The following MYO18A variants were observed in gnomAD, a reference collection of about 807,000 sequenced individuals.
The protein encoded by MYO18A is unconventional myosin-XVIIIa.
Under a neutral mutation model 235.8 loss-of-function variants are expected in MYO18A, and 78 were observed. The observed-to-expected ratio is 0.33, with a 90% CI of 0.28 to 0.40. MYO18A has a LOEUF of 0.40. MYO18A is among the 10% of genes least tolerant of loss of function. MYO18A has a pLI of 1.00. For synonymous variants in MYO18A, 977 were observed against 1,077.8 expected (o/e 0.91, Z 1.83); for missense variants, 2,215 against 2,699.3 (o/e 0.82, Z 3.98).
chr17:29,089,204 G>A (rs900234954), intron 37 of MYO18A, among the ~76,000 whole-genome samples: 2 of 151,410 alleles, frequency 1.3e-5, no homozygotes, highest in East Asian at 1.9e-4. Flanking sequence ...AGGCCGAGGC[G>A]GGCAGATCAT....
chr17:29,112,831 G>A lies in MYO18A; in HGVS notation c.2599-968C>T, dbSNP rs143941251. On this transcript the variant is annotated intron_variant, in intron 15 of 41. Transcript: ENST00000527372. Reference sequence around the variant, plus strand: ...CCCGCAGATGCCCAAGGGAGTTGGCGTGATTACCAGAAGGAAGCAGAATGT... The same window carrying A: ...CCCGCAGATGCCCAAGGGAGTTGGCATGATTACCAGAAGGAAGCAGAATGT... Among the ~76,000 whole-genome samples the A allele has an allele frequency of 1.3e-4, 20 of 152,342 alleles. No individual in the cohort carries two copies. In the East Asian group the frequency reaches 1.9e-3, roughly 15 times the overall value.
At chr17:29,088,305 T>C (rs914562250) in intron 37 of MYO18A, among the ~76,000 whole-genome samples, 3 of 151,636 alleles carry the variant, frequency 2.0e-5, no homozygotes, top group Non-Finnish European at 4.4e-5. Flanking sequence ...CCGCCCACCT[T>C]GGCCTCCAAA....
chr17:29,101,992 C>G (rs1237244865), intron 21 of MYO18A, among the ~76,000 whole-genome samples: 1 of 152,154 alleles, frequency 6.6e-6, no homozygotes, highest in Non-Finnish European at 1.5e-5. Context: ...CAGATGAAGA[C>G]CCCCCTCCTC....
chr17:29,085,645 C>A lies in MYO18A; in HGVS notation c.5856G>T (p.Leu1952Phe), dbSNP rs374758341. 5 of 1,613,878 alleles carry A rather than the reference C, an allele frequency of 3.1e-6. No homozygotes were observed. In the African/African-American group the frequency reaches 6.7e-5, roughly 22 times the overall value. ...SDENEDLINS[L>F]QDMVTKYQKR... ...TCTGATACTTTGTCACCATGTCCTGCAAACTGGAAATAGAAGGAAAATGGT... is the reference window on the plus strand; with the variant it reads ...TCTGATACTTTGTCACCATGTCCTGAAAACTGGAAATAGAAGGAAAATGGT... Residue 1952 changes from leucine to phenylalanine, a missense_variant, in exon 40 of 42, where the codon TTG becomes TTT. Leu to Phe is a conservative substitution (Grantham distance 22, BLOSUM62 0). Coordinates refer to ENST00000527372, the MANE Select transcript of MYO18A (RefSeq NM_078471.4).
chr17:29,139,183 T>G (rs1030305868), intron 2 of MYO18A, among the ~76,000 whole-genome samples: 1 of 152,086 alleles, frequency 6.6e-6, no homozygotes, highest in Non-Finnish European at 1.5e-5. Context: ...AATGGCTTCC[T>G]GCCGCAACTG....
At chr17:29,132,664 C>T (rs531251759) in intron 2 of MYO18A, among the ~76,000 whole-genome samples, 1 of 152,356 alleles carries the variant, frequency 6.6e-6, no homozygotes, top group East Asian at 1.9e-4. Flanking sequence ...GGGGCACTGG[C>T]TGGCGTGATG....
At chr17:29,083,558 A>ACACACG (rs1568038715) in intron 40 of MYO18A, among the ~76,000 whole-genome samples, 1 of 151,588 alleles carries the variant, frequency 6.6e-6, no homozygotes. Flanking sequence ...ACACACACAC[A>ACACACG]CGAAACCAGC....
chr17:29,079,681 A>G lies in MYO18A; in HGVS notation c.6020+2635T>C, dbSNP rs1201440204. 30 of 981,570 alleles carry G rather than the reference A, an allele frequency of 3.1e-5. 1 individual carries two copies. The Admixed American group carries it at 1.8e-3, about 60-fold the overall frequency. The allele number at this position is 981,570 out of a possible 1,614,324, so 60.8% of individuals were successfully genotyped here. ...AGGGGCAGGGAGGACGTTAGTTCAC[A>G]CCGGGTGGGACACACCATGCTGAAC... On this transcript the variant is annotated intron_variant, in intron 41 of 41. Coordinates refer to ENST00000527372, the MANE Select transcript of MYO18A (RefSeq NM_078471.4).
At chr17:29,148,337 A>C (rs8079438) in intron 2 of MYO18A, among the ~76,000 whole-genome samples, 67,637 of 151,962 alleles carry the variant, frequency 0.45, 16,791 homozygotes, top group African/African-American at 0.68. Flanking sequence ...TAATAGAACT[A>C]TATTTAGGGA....
chr17:29,092,655 A>T (rs1055247842), intron 33 of MYO18A, among the ~76,000 whole-genome samples, 199 bp from the exon 34 acceptor site: 3 of 152,090 alleles, frequency 2.0e-5, no homozygotes, highest in Non-Finnish European at 4.4e-5. Context: ...GGCCCCATCC[A>T]CACCATCCCA....
At position 29,152,030 on chromosome 17, in the gene MYO18A, C is replaced by T. The variant is rs138423052; in HGVS notation, c.999+13912G>A. Among the ~76,000 whole-genome samples the T allele has an allele frequency of 1.9e-3, 284 of 152,282 alleles. 1 individual carries two copies. The highest frequency in any genetic ancestry group is 3.0e-3 in the Non-Finnish European group (201 of 68,026). ...GAGAAGCCCCCCAGCCCCGCATCCA[C>T]AGAAGAGCAAAGGAACAGATTGGCG... On this transcript the variant is annotated intron_variant, in intron 2 of 41. Coordinates refer to ENST00000527372, the MANE Select transcript of MYO18A (RefSeq NM_078471.4).
At chr17:29,112,857 G>T (rs1005916829) in intron 15 of MYO18A, among the ~76,000 whole-genome samples, 1 of 152,258 alleles carries the variant, frequency 6.6e-6, no homozygotes, top group African/African-American at 2.4e-5. Flanking sequence ...AGCAGAATGT[G>T]GCCAAAGGCC....
At chr17:29,129,531 C>G (rs1165078005) in intron 2 of MYO18A, among the ~76,000 whole-genome samples, 1 of 152,204 alleles carries the variant, frequency 6.6e-6, no homozygotes, top group Non-Finnish European at 1.5e-5. Context: ...AGCTCCATTG[C>G]CTGGGGAGCG....
rs1382410794 is a variant in MYO18A, at chr17:29,097,288, GCCGTTTCT to G, written c.4157_4164del (p.Lys1386ThrfsTer6). ...AGCTTGTCCTCAAACTCCTGCTGGA[GCCGTTTCT>G]TGGTGAAGTCCACCTCCCGCACAGC... On this transcript the variant is annotated frameshift_variant, in exon 27 of 42. Transcript: ENST00000527372. LOFTEE classifies it high-confidence loss of function. 6 of 1,611,112 alleles carry G rather than the reference GCCGTTTCT, an allele frequency of 3.7e-6. No individual in the cohort carries two copies. Among genetic ancestry groups the G allele is most frequent in the Non-Finnish European group, 5.1e-6 (6 of 1,179,870 alleles).
At chr17:29,086,212 C>T (rs1270000877) in intron 39 of MYO18A, among the ~76,000 whole-genome samples, 3 of 152,194 alleles carry the variant, frequency 2.0e-5, no homozygotes, top group South Asian at 2.1e-4. Flanking sequence ...AGGGCCTGGT[C>T]GTGGAGAGGG....
intron 21 of MYO18A, 117 bp from the exon 22 acceptor site, chr17:29,099,879 G>T: frequency 7.2e-7 from 1 of 1,389,810 alleles, no homozygotes; most frequent in Non-Finnish European, 9.6e-7. Context: ...CTTGGCTTGG[G>T]AAGAGCCTCA....
chr17:29,082,234 C>A, intron 41 of MYO18A, 82 bp downstream of exon 41: 1 of 1,567,126 alleles, frequency 6.4e-7, no homozygotes. Flanking sequence ...CACAGGCCTG[C>A]CCTCATGGGA....
At chr17:29,115,629 A>C in intron 12 of MYO18A, 35 bp downstream of exon 12, 1 of 1,556,578 alleles carries the variant, frequency 6.4e-7, no homozygotes. Context: ...ATGAGGCCTC[A>C]CACTCACAAC....
rs1379687171 is a variant in MYO18A at position 29,109,527 on chromosome 17, C to T, written c.3331+331G>A. ...CTCCGAAAGGGCACTGGGTTTGCTG[C>T]TGTGGGCAAAGCTGAACTGTCCAAA... On this transcript the variant is annotated intron_variant, in intron 19 of 41. Transcript: ENST00000527372. The surrounding 1 kb of genome is among the most constrained non-coding windows in gnomAD (Gnocchi z 4.1). Among the ~76,000 whole-genome samples the T allele has an allele frequency of 1.3e-5, 2 of 152,178 alleles. No individual in the cohort carries two copies. The highest frequency in any genetic ancestry group is 2.4e-5 in the African/African-American group (1 of 41,442).
Sources: allele counts gnomAD v4.1 joint callset (sites outside exome capture counted in the v4.1 genomes callset), GRCh38; gene constraint gnomAD v4.1.1; non-coding constraint Gnocchi (gnomAD v3.1); transcripts MANE v1.5; gene names NCBI Gene and HGNC (gene_info 2026-07-23, HGNC 2026-07-21).